SAXO1: variants seen among roughly 807,000 people sequenced by gnomAD.
The protein encoded by SAXO1 is stabilizer of axonemal microtubules 1.
SAXO1 carries 21 observed loss-of-function variants against 17.5 expected under a neutral mutation model. That is an observed-to-expected ratio of 1.20 (90% CI 0.85 to 1.72). The LOEUF (loss-of-function observed/expected upper bound fraction) is 1.72, where lower values mean the gene tolerates loss of function less well. SAXO1 is among the 40% of genes most tolerant of loss of function. The pLI, the probability that SAXO1 is intolerant of heterozygous loss-of-function variation, is 0.00. For missense variants in SAXO1, 843 were observed against 596.0 expected, an observed-to-expected ratio of 1.41 and a Z score of -4.32; for synonymous variants, 274 against 216.5, an observed-to-expected ratio of 1.27 and a Z score of -2.33.
rs1329766963 is a variant in SAXO1, at chr9:18,963,831, G to T, written c.39-12894C>A. On this transcript the variant is annotated intron_variant, in intron 1 of 3. Coordinates refer to ENST00000380534, the MANE Select transcript of SAXO1 (RefSeq NM_153707.4). ...TGGCCAGAATTTCCAATACTGTGTTGAATAGGAGTGGTGAGAGAGGGCATC... is the reference window on the plus strand; with the variant it reads ...TGGCCAGAATTTCCAATACTGTGTTTAATAGGAGTGGTGAGAGAGGGCATC... 2.0e-5 allele frequency among the ~76,000 whole-genome samples: 3 copies of T among 152,268 alleles called. No homozygotes were observed. The South Asian group carries it at 6.2e-4, about 32-fold the overall frequency.
In SAXO1 at chr9:18,928,595, G is replaced by T; in HGVS notation, c.882C>A (p.Tyr294Ter). ...PRMFSKAPIT[Y>*]VPPEDRMDLL... ...GATCCATCCTGTCTTCGGGAGGGAC[G>T]TAGGTGATGGGAGCTTTGGAGAACA... is the stretch of plus-strand genomic sequence containing the variant. Residue 294 changes from tyrosine (Y) to a stop codon, truncating the protein, a stop_gained, in exon 4 of 4, where the codon TAC becomes TAA. Transcript: ENST00000380534. LOFTEE classifies it low-confidence loss of function (END_TRUNC). 1.9e-6 allele frequency: 3 copies of T among 1,614,168 alleles called. No individual in the cohort carries two copies. Among genetic ancestry groups the T allele is most frequent in the Non-Finnish European group, 2.5e-6 (3 of 1,180,036 alleles).
At chr9:18,937,438 G>A (rs760857514) in intron 3 of SAXO1, among the ~76,000 whole-genome samples, 2 of 152,202 alleles carry the variant, frequency 1.3e-5, no homozygotes, top group Non-Finnish European at 2.9e-5. Flanking sequence ...CAGATGTTGG[G>A]CATTCAAGGC....
chr9:19,037,321 T>C (rs1278351286), upstream of SAXO1, among the ~76,000 whole-genome samples: 1 of 152,156 alleles, frequency 6.6e-6, no homozygotes, highest in Non-Finnish European at 1.5e-5. Context: ...TTTTGTGAAA[T>C]GTGAGGACAT....
intron 1 of SAXO1, among the ~76,000 whole-genome samples, chr9:19,001,063 T>C (rs551534782): frequency 2.0e-5 from 3 of 152,326 alleles, no homozygotes; most frequent in East Asian, 3.9e-4. Flanking sequence ...TATCTGGGAC[T>C]TGAACTCAGC....
intron 3 of SAXO1, 124 bp downstream of exon 3, chr9:18,941,513 C>A: frequency 9.3e-7 from 1 of 1,072,822 alleles, no homozygotes; most frequent in Non-Finnish European, 1.4e-6. Context: ...CTGGCCAGAT[C>A]TGGCCCGTAG....
At chr9:19,033,527 G>A (rs1470136337), upstream of SAXO1, among the ~76,000 whole-genome samples, 2 of 152,230 alleles carry the variant, frequency 1.3e-5, no homozygotes, top group Admixed American at 1.3e-4. Flanking sequence ...GGGGAATACA[G>A]CCTTGACTTC....
intron 1 of SAXO1, among the ~76,000 whole-genome samples, chr9:19,009,101 G>A (rs1834612778): frequency 6.6e-6 from 1 of 152,124 alleles, no homozygotes; most frequent in Non-Finnish European, 1.5e-5. Flanking sequence ...AGCAACAGCA[G>A]ACAGAATTAA....
rs948689903 is a variant in SAXO1 at position 19,027,311 on chromosome 9, C to T, written c.38+5560G>A. 3 of 821,862 alleles carry T rather than the reference C, an allele frequency of 3.7e-6. No individual in the cohort carries two copies. The Admixed American group carries it at 5.1e-5, about 14-fold the overall frequency. The allele number at this position is 821,862 out of a possible 1,614,324, so 50.9% of individuals were successfully genotyped here. A position where few individuals can be genotyped will look rare whatever the true frequency, so the allele number is the denominator to read the frequency against. On this transcript the variant is annotated intron_variant, in intron 1 of 3. Coordinates refer to ENST00000380534, the MANE Select transcript of SAXO1 (RefSeq NM_153707.4). The stretch of plus-strand genomic sequence containing the variant: ...GAGACCTGGTGGGTGTGAACAAAGA[C>T]TCCTATCCAATCCTGGAGACACTGC...
intron 1 of SAXO1, among the ~76,000 whole-genome samples, chr9:19,028,755 A>AT (rs938526586): frequency 1.9e-4 from 28 of 149,538 alleles, no homozygotes; most frequent in African/African-American, 3.4e-4. Flanking sequence ...AATATGTCTG[A>AT]TTTTTTTTTT....
intron 1 of SAXO1, among the ~76,000 whole-genome samples, chr9:19,020,197 G>A (rs889504532): frequency 9.9e-5 from 15 of 151,982 alleles, no homozygotes; most frequent in Non-Finnish European, 1.9e-4. Context: ...AAAACCCCAA[G>A]ATCTTTTCAC....
chr9:18,994,038 T>C (rs1465584192), intron 1 of SAXO1, among the ~76,000 whole-genome samples: 1 of 152,224 alleles, frequency 6.6e-6, no homozygotes, highest in Non-Finnish European at 1.5e-5. Flanking sequence ...TGCCAAAGTA[T>C]GGCCCAGAAT....
At chr9:18,995,711 T>C (rs1588498932) in intron 1 of SAXO1, among the ~76,000 whole-genome samples, 1 of 152,170 alleles carries the variant, frequency 6.6e-6, no homozygotes, top group African/African-American at 2.4e-5. Context: ...CACTGCACAT[T>C]CATACCAAAC....
chr9:18,941,729 T>C lies in SAXO1; in HGVS notation c.329A>G (p.Asn110Ser), dbSNP rs772291032. 59 of 1,613,708 alleles carry C rather than the reference T, an allele frequency of 3.7e-5. No individual in the cohort carries two copies. Among genetic ancestry groups the C allele is most frequent in the Non-Finnish European group, 4.5e-5 (53 of 1,180,024 alleles). The change falls in exon 3 of 4, where the codon AAT (asparagine) becomes AGT (serine). Residue 110 changes from asparagine (N) to serine (S), a missense_variant. Transcript: ENST00000380534. ...DLLTTYKKDYNPYPVCRVDPI... is the reference protein window; with the variant it reads ...DLLTTYKKDYSPYPVCRVDPI... ...GTCCACTCGACAGACAGGGTAGGGATTGTAATCTTTCTTATACGTCGTGAG... is the reference window on the plus strand; with the variant it reads ...GTCCACTCGACAGACAGGGTAGGGACTGTAATCTTTCTTATACGTCGTGAG...
chr9:18,935,886 G>A (rs1588403617), intron 3 of SAXO1, among the ~76,000 whole-genome samples: 1 of 152,196 alleles, frequency 6.6e-6, no homozygotes, highest in East Asian at 1.9e-4. Context: ...CCACAGCCTA[G>A]CCTGCTCCGG....
At chr9:19,026,218 A>T (rs1041072597) in intron 1 of SAXO1, among the ~76,000 whole-genome samples, 5 of 152,218 alleles carry the variant, frequency 3.3e-5, no homozygotes, top group Non-Finnish European at 7.3e-5. Flanking sequence ...CTTGTACCCC[A>T]GAAATATGTA....
intron 1 of SAXO1, among the ~76,000 whole-genome samples, chr9:19,019,558 A>G (rs1204209409): frequency 1.3e-5 from 2 of 151,904 alleles, no homozygotes; most frequent in Non-Finnish European, 2.9e-5. Flanking sequence ...GTGAAACCCC[A>G]CCTCTACAAA....
rs373867520 is a variant in SAXO1 at position 18,948,258 on chromosome 9, G to A, written c.218+2500C>T. Among the ~76,000 whole-genome samples, 16 of 152,234 alleles carry A rather than the reference G, an allele frequency of 1.1e-4. 1 individual carries two copies. The highest frequency in any genetic ancestry group is 2.9e-4 in the African/African-American group (12 of 41,520). Reference sequence around the variant, plus strand: ...GTAGTGCCTATCATGGCAGGCACAGGGTTGAGAAATAATGAAATTGTGGTA... The same window carrying A: ...GTAGTGCCTATCATGGCAGGCACAGAGTTGAGAAATAATGAAATTGTGGTA... On this transcript the variant is annotated intron_variant, in intron 2 of 3. Transcript: ENST00000380534.
At chr9:18,977,666 A>C (rs1474363629) in intron 1 of SAXO1, among the ~76,000 whole-genome samples, 1 of 152,168 alleles carries the variant, frequency 6.6e-6, no homozygotes, top group Admixed American at 6.5e-5. Context: ...AATTGTATGA[A>C]AATGGCATGT....
chr9:19,027,766 G>A (rs1835561495), intron 1 of SAXO1: 2 of 1,505,508 alleles, frequency 1.3e-6, no homozygotes, highest in Non-Finnish European at 1.8e-6. Flanking sequence ...GGACGATGCT[G>A]GAGCTTCTGA....
Sources: gnomAD v4.1 joint callset for allele counts (sites outside exome capture counted in the v4.1 genomes callset) on GRCh38, gnomAD v4.1.1 for gene constraint, MANE v1.5 for transcripts, NCBI Gene and HGNC (gene_info 2026-07-23, HGNC 2026-07-21) for gene names.